BBS9: variants seen among roughly 807,000 people sequenced by gnomAD.
The protein encoded by BBS9 is Bardet-Biedl syndrome 9, also known as protein PTHB1.
Under a neutral mutation model 117.7 loss-of-function variants are expected in BBS9, and 89 were observed. The observed-to-expected ratio is 0.76, with a 90% CI of 0.64 to 0.90. BBS9 has a LOEUF of 0.90. Ranked by LOEUF, BBS9 falls within the 40% of genes least tolerant of loss-of-function variation. The probability of loss-of-function intolerance (pLI) is 0.00; values close to 1 mark genes in which losing one functional copy is unlikely to be tolerated. For missense variants in BBS9, 982 were observed against 1,042.2 expected (o/e 0.94, Z 0.80); for synonymous variants, 379 against 370.9 (o/e 1.02, Z -0.25).
intron 7 of BBS9, among the ~76,000 whole-genome samples, chr7:33,269,738 A>T (rs1799445117): frequency 6.6e-6 from 1 of 151,964 alleles, no homozygotes; most frequent in Admixed American, 6.6e-5. Flanking sequence ...AAAAAAAAAA[A>T]AAAAGGCCAG....
chr7:33,440,064 G>C (rs1835937010), intron 19 of BBS9, among the ~76,000 whole-genome samples: 1 of 152,152 alleles, frequency 6.6e-6, no homozygotes, highest in South Asian at 2.1e-4. Context: ...AAAAGGCTTA[G>C]ACGTTAGGGC....
At chr7:33,619,428 T>C (rs1350821620) in intron 21 of BBS9, among the ~76,000 whole-genome samples, 1 of 152,054 alleles carries the variant, frequency 6.6e-6, no homozygotes, top group African/African-American at 2.4e-5. Context: ...CAGACCCCAC[T>C]CTCCACAATG....
In BBS9 at chr7:33,258,997, A is replaced by T. The variant is rs1050803312; in HGVS notation, c.617+1587A>T. ...GGCTCATTTATAATGGTAAAAATGC[A>T]TGAGATACGAGATTATTGTGAAATG... On this transcript the variant is annotated intron_variant, in intron 6 of 22. Coordinates refer to ENST00000242067, the MANE Select transcript of BBS9 (RefSeq NM_198428.3). Among the ~76,000 whole-genome samples, 7 of 152,224 alleles carry T rather than the reference A, an allele frequency of 4.6e-5. 1 individual carries two copies. The highest frequency in any genetic ancestry group is 4.6e-4 in the Admixed American group (7 of 15,278).
intron 20 of BBS9, among the ~76,000 whole-genome samples, chr7:33,508,507 A>T (rs1846456154): frequency 6.6e-6 from 1 of 152,198 alleles, no homozygotes; most frequent in South Asian, 2.1e-4. Context: ...ACCCCTACTC[A>T]TCATGGGGCC....
intron 15 of BBS9, chr7:33,357,623 G>A (rs537795720): frequency 1.7e-6 from 1 of 587,488 alleles, no homozygotes; most frequent in East Asian, 3.2e-5. Context: ...ATTAAAGACA[G>A]ATCTCATGTC....
chr7:33,562,798 C>T (rs1001173942), intron 21 of BBS9, among the ~76,000 whole-genome samples: 1 of 152,080 alleles, frequency 6.6e-6, no homozygotes, highest in African/African-American at 2.4e-5. Context: ...GTGGCACGCG[C>T]CTGTAGTCCC....
chr7:33,520,360 T>C (rs1420050421), intron 20 of BBS9, among the ~76,000 whole-genome samples: 1 of 152,176 alleles, frequency 6.6e-6, no homozygotes, highest in Non-Finnish European at 1.5e-5. Flanking sequence ...TCTGCTGCTG[T>C]TATTCAAGTG....
intron 21 of BBS9, among the ~76,000 whole-genome samples, chr7:33,617,677 A>G (rs545926636): frequency 6.6e-6 from 1 of 151,752 alleles, no homozygotes; most frequent in South Asian, 2.2e-4. Flanking sequence ...TGAAGAAAAT[A>G]AAGTGTTCAA....
At chr7:33,521,068 A>G (rs1437834334) in intron 20 of BBS9, among the ~76,000 whole-genome samples, 1 of 152,178 alleles carries the variant, frequency 6.6e-6, no homozygotes, top group African/African-American at 2.4e-5. Flanking sequence ...TTTAATGCTT[A>G]GTCAAGGTGA....
At chr7:33,456,620 T>G (rs528111864) in intron 19 of BBS9, among the ~76,000 whole-genome samples, 4 of 152,250 alleles carry the variant, frequency 2.6e-5, no homozygotes, top group Admixed American at 2.6e-4. Context: ...CCCTCTCCCC[T>G]AAGTATTTTT....
chr7:33,206,775 G>A (rs775881780), intron 5 of BBS9, among the ~76,000 whole-genome samples: 4 of 151,872 alleles, frequency 2.6e-5, no homozygotes, highest in Admixed American at 6.6e-5. Context: ...ATATAATAAT[G>A]TGCCCTGTAG....
intron 5 of BBS9, among the ~76,000 whole-genome samples, chr7:33,228,529 C>T (rs1422603470): frequency 6.6e-6 from 1 of 152,072 alleles, no homozygotes; most frequent in East Asian, 1.9e-4. Context: ...GCTGACCCCT[C>T]CTTTAAGTCA....
chr7:33,379,359 C>A (rs1397542077), intron 17 of BBS9, among the ~76,000 whole-genome samples: 1 of 152,128 alleles, frequency 6.6e-6, no homozygotes, highest in Non-Finnish European at 1.5e-5. Flanking sequence ...AATACATTTT[C>A]ACTGAAAATT....
chr7:33,592,543 T>C (rs140173017), intron 21 of BBS9, among the ~76,000 whole-genome samples: 1 of 152,210 alleles, frequency 6.6e-6, no homozygotes, highest in Non-Finnish European at 1.5e-5. Flanking sequence ...TGCCTGGGAA[T>C]GAGTCCTGAG....
chr7:33,621,548 G>C (rs1007756009), intron 21 of BBS9, among the ~76,000 whole-genome samples: 18 of 152,158 alleles, frequency 1.2e-4, no homozygotes, highest in African/African-American at 3.4e-4. Flanking sequence ...TGGCGAGAAA[G>C]TGGAGTAAAA....
chr7:33,211,748 T>G (rs534192805), intron 5 of BBS9, among the ~76,000 whole-genome samples: 1 of 152,322 alleles, frequency 6.6e-6, no homozygotes, highest in African/African-American at 2.4e-5. Context: ...ATTGAAGAAC[T>G]TCTTTAGCAT....
At chr7:33,412,402 G>C (rs561855047) in intron 19 of BBS9, among the ~76,000 whole-genome samples, 1 of 152,164 alleles carries the variant, frequency 6.6e-6, no homozygotes, top group East Asian at 1.9e-4. Flanking sequence ...CCTGTCCCAA[G>C]GGCAACTGGC....
At chr7:33,479,327 A>T (rs1417347140) in intron 19 of BBS9, among the ~76,000 whole-genome samples, 1 of 152,014 alleles carries the variant, frequency 6.6e-6, no homozygotes, top group Non-Finnish European at 1.5e-5. Context: ...CTGTTGATAA[A>T]TAAGAACATA....
chr7:33,449,133 T>G (rs576562222), intron 19 of BBS9, among the ~76,000 whole-genome samples: 1 of 152,198 alleles, frequency 6.6e-6, no homozygotes, highest in Non-Finnish European at 1.5e-5. Flanking sequence ...ACCCAGGTCC[T>G]GAGTCCTTGT....
Sources: allele counts gnomAD v4.1 joint callset (sites outside exome capture counted in the v4.1 genomes callset), GRCh38; gene constraint gnomAD v4.1.1; transcripts MANE v1.5; gene names NCBI Gene and HGNC (gene_info 2026-07-23, HGNC 2026-07-21).